The following THEMIS variants were observed in gnomAD, a reference collection of about 807,000 sequenced individuals.
The protein encoded by THEMIS is protein THEMIS.
THEMIS carries 37 observed loss-of-function variants against 52.6 expected under a neutral mutation model. That is an observed-to-expected ratio of 0.70 (90% CI 0.54 to 0.93). The LOEUF is 0.93. Among genes scored for constraint, THEMIS ranks in the 40% least tolerant of loss-of-function variants. The pLI, the probability that THEMIS is intolerant of heterozygous loss-of-function variation, is 0.00. For missense variants in THEMIS, 808 were observed against 763.1 expected (o/e 1.06, Z -0.69); for synonymous variants, 292 against 272.7 (o/e 1.07, Z -0.70).
At chr6:127,861,783 CAAAAAAAAAAAAA>C (rs1225783673) in intron 1 of THEMIS, among the ~76,000 whole-genome samples, 1 of 95,702 alleles carries the variant, frequency 1.0e-5, no homozygotes, top group African/African-American at 5.0e-5. Context: ...GACTCCATCT[CAAAAAAAAAAAAA>C]AAAAAAAAAG....
chr6:127,786,885 T>C (rs1167606842), intron 4 of THEMIS, among the ~76,000 whole-genome samples: 1 of 152,166 alleles, frequency 6.6e-6, no homozygotes, highest in Non-Finnish European at 1.5e-5. Context: ...CTCAGCTGCA[T>C]GACAGACTTG....
intron 4 of THEMIS, among the ~76,000 whole-genome samples, chr6:127,767,155 G>A (rs1344567794): frequency 1.3e-5 from 2 of 151,316 alleles, no homozygotes; most frequent in Non-Finnish European, 2.9e-5. Flanking sequence ...GCAGTGGCAC[G>A]ATCTTGACTC....
At chr6:127,704,316 G>A (rs76267499), downstream of THEMIS, among the ~76,000 whole-genome samples, 2 of 152,034 alleles carry the variant, frequency 1.3e-5, no homozygotes, top group Non-Finnish European at 2.9e-5. Flanking sequence ...GGAGGAAGGC[G>A]GGCTGATATG....
chr6:127,917,100 G>A (rs770291576), intron 1 of THEMIS, among the ~76,000 whole-genome samples: 1 of 152,220 alleles, frequency 6.6e-6, no homozygotes, highest in African/African-American at 2.4e-5. Context: ...AAGCTTTTAA[G>A]AGTTGTATTT....
At chr6:127,716,544 G>T (rs934306167) in intron 5 of THEMIS, among the ~76,000 whole-genome samples, 1 of 151,844 alleles carries the variant, frequency 6.6e-6, no homozygotes. Flanking sequence ...GCCAGCTCCA[G>T]ATCTCCCTAT....
intron 1 of THEMIS, among the ~76,000 whole-genome samples, chr6:127,899,767 A>G (rs542458029): frequency 1.1e-3 from 160 of 151,760 alleles, no homozygotes; most frequent in African/African-American, 3.7e-3. Flanking sequence ...AAATAGAGAC[A>G]TTGATAATAT....
intron 4 of THEMIS, among the ~76,000 whole-genome samples, chr6:127,752,966 C>A (rs1420479549): frequency 5.3e-5 from 8 of 151,742 alleles, no homozygotes; most frequent in Non-Finnish European, 8.9e-5. Context: ...AAAAATCATT[C>A]ACTATGAGCA....
chr6:127,840,060 C>T (rs1055415842), intron 2 of THEMIS, among the ~76,000 whole-genome samples: 2 of 152,094 alleles, frequency 1.3e-5, no homozygotes, highest in Non-Finnish European at 2.9e-5. Context: ...AGTTAAGTCA[C>T]ACCCTCAAAA....
In THEMIS at chr6:127,876,011, C is replaced by T. The variant is rs916826243; in HGVS notation, c.92-20823G>A. 3.3e-5 allele frequency among the ~76,000 whole-genome samples: 5 copies of T among 152,052 alleles called. No homozygotes were observed. The South Asian group carries it at 6.2e-4, about 19-fold the overall frequency. On this transcript the variant is annotated intron_variant, in intron 1 of 5. Coordinates refer to ENST00000368248, the MANE Select transcript of THEMIS (RefSeq NM_001010923.3). ...GATTTAAACAAATTAATGTGTTAAC[C>T]GATTATCTGACATCCAATGTTTTCC...
rs577670623 is a variant in THEMIS at position 127,825,046 on chromosome 6, G to T, written c.709+4430C>A. 5.9e-5 allele frequency among the ~76,000 whole-genome samples: 9 copies of T among 152,110 alleles called. No homozygotes were observed. In the East Asian group the frequency reaches 1.5e-3, roughly 26 times the overall value. ...AAAATGATGTAAGAAATAACTCTTG[G>T]AAATTAAAAATATGATAACGAAAAT... On this transcript the variant is annotated intron_variant, in intron 3 of 5. Transcript: ENST00000368248.
intron 5 of THEMIS, among the ~76,000 whole-genome samples, chr6:127,710,885 T>C (rs1773952627): frequency 6.6e-6 from 1 of 151,900 alleles, no homozygotes; most frequent in Admixed American, 6.6e-5. Flanking sequence ...AGAGAAAGTC[T>C]CTGTTGGTCT....
At chr6:127,789,569 C>CA (rs368993891) in intron 4 of THEMIS, among the ~76,000 whole-genome samples, 393 of 151,972 alleles carry the variant, frequency 2.6e-3, no homozygotes, top group African/African-American at 8.9e-3. Context: ...AGAAAAACAA[C>CA]AAAAAAAGAA....
intron 4 of THEMIS, among the ~76,000 whole-genome samples, chr6:127,750,769 T>C (rs1011646695): frequency 6.6e-6 from 1 of 151,782 alleles, no homozygotes; most frequent in African/African-American, 2.4e-5. Context: ...AGAACATTCA[T>C]AAGACTATCA....
chr6:127,716,547 C>G (rs148100413), intron 5 of THEMIS, among the ~76,000 whole-genome samples: 9 of 151,986 alleles, frequency 5.9e-5, no homozygotes, highest in Admixed American at 2.6e-4. Context: ...AGCTCCAGAT[C>G]TCCCTATGGG....
chr6:127,721,110 A>G (rs1418934180), intron 4 of THEMIS, among the ~76,000 whole-genome samples: 1 of 151,992 alleles, frequency 6.6e-6, no homozygotes, highest in Non-Finnish European at 1.5e-5. Flanking sequence ...CTATGCCTAG[A>G]CTAGCTGGCT....
chr6:127,736,024 A>G (rs986801712), intron 4 of THEMIS, among the ~76,000 whole-genome samples: 2 of 152,156 alleles, frequency 1.3e-5, no homozygotes, highest in Admixed American at 1.3e-4. Flanking sequence ...CACTGACCAC[A>G]TGTTTCAGTG....
intron 4 of THEMIS, among the ~76,000 whole-genome samples, chr6:127,805,630 T>C (rs992149042): frequency 5.3e-5 from 8 of 152,112 alleles, no homozygotes; most frequent in African/African-American, 1.7e-4. Context: ...CATAGCCATC[T>C]TGTGCTCATT....
intron 2 of THEMIS, among the ~76,000 whole-genome samples, chr6:127,851,631 CAAT>C (rs2114277751): frequency 6.6e-6 from 1 of 151,842 alleles, no homozygotes; most frequent in East Asian, 1.9e-4. Flanking sequence ...CAAATTAAAA[CAAT>C]GATATACCAT....
At chr6:127,793,076 G>A (rs544011371) in intron 4 of THEMIS, among the ~76,000 whole-genome samples, 2 of 152,244 alleles carry the variant, frequency 1.3e-5, no homozygotes, top group Non-Finnish European at 2.9e-5. Context: ...TGAAATAAGG[G>A]AAACAATATT....
Sources: gnomAD v4.1 joint callset for allele counts (sites outside exome capture counted in the v4.1 genomes callset) on GRCh38, gnomAD v4.1.1 for gene constraint, MANE v1.5 for transcripts, NCBI Gene and HGNC (gene_info 2026-07-23, HGNC 2026-07-21) for gene names.